Variants in EDARADD observed in about 807,000 individuals in gnomAD.
EDARADD encodes the protein ectodysplasin-A receptor-associated adapter protein.
EDARADD carries 20 observed loss-of-function variants against 25.6 expected under a neutral mutation model. That is an observed-to-expected ratio of 0.78 (90% CI 0.55 to 1.14). The LOEUF (loss-of-function observed/expected upper bound fraction) is 1.14, where lower values mean the gene tolerates loss of function less well. EDARADD is among the 50% of genes most tolerant of loss of function. The pLI is 0.00. For synonymous variants in EDARADD, 86 were observed against 94.4 expected (o/e 0.91, Z 0.52); for missense variants, 225 against 270.1 (o/e 0.83, Z 1.17).
rs34509027 is a variant in EDARADD at position 236,385,089 on chromosome 1, C to CTTTTTTTTTTTTTTTTTTTTTTTTTT, written c.-5-24110_-5-24109insTTTTTTTTTTTTTTTTTTTTTTTTTT. 5.0e-4 allele frequency among the ~76,000 whole-genome samples: 61 copies of CTTTTTTTTTTTTTTTTTTTTTTTTTT among 121,984 alleles called. 1 individual carries two copies. The highest frequency in any genetic ancestry group is 6.9e-4 in the Non-Finnish European group (43 of 62,476). The allele number at this position is 121,984 out of a possible 152,430, so 80.0% of individuals were successfully genotyped here. A position where few individuals can be genotyped will look rare whatever the true frequency, so the allele number is the denominator to read the frequency against. On this transcript the variant is annotated intron_variant, in intron 3 of 7. Coordinates refer to the EDARADD transcript ENST00000439430. ...GATTTTTATTCTATGCCTTTTGATTCTTTTTTTTTTTTTTTTTGCCTTAAG... is the reference window on the plus strand; with the variant it reads ...GATTTTTATTCTATGCCTTTTGATTCTTTTTTTTTTTTTTTTTTTTTTTTTTTTTTTTTTTTTTTTTTTGCCTTAAG...
chr1:236,408,526 A>C (rs1253967), intron 1 of EDARADD, among the ~76,000 whole-genome samples: 102,411 of 151,960 alleles, frequency 0.67, 34,838 homozygotes, highest in Non-Finnish European at 0.69. Context: ...TTATTAATCT[A>C]TTTCTTGATG....
chr1:236,353,261 C>T (rs1261125735), intron 3 of EDARADD, among the ~76,000 whole-genome samples: 1 of 152,170 alleles, frequency 6.6e-6, no homozygotes, highest in East Asian at 1.9e-4. Context: ...CCCTCCTGGT[C>T]TCCCTTATCT....
intron 1 of EDARADD, among the ~76,000 whole-genome samples, chr1:236,405,452 A>T (rs1040044558): frequency 4.6e-5 from 7 of 152,162 alleles, no homozygotes; most frequent in Non-Finnish European, 1.0e-4. Flanking sequence ...TAGTAAGCTG[A>T]GTGTGGGATC....
rs373926348 is a variant in EDARADD, at chr1:236,394,548, G to C, written c.61+43G>C. 3.2e-6 allele frequency: 5 copies of C among 1,585,632 alleles called. No individual in the cohort carries two copies. The African/African-American group carries it at 6.7e-5, about 21-fold the overall frequency. ...GTCTTCCTGGATTTCTCAGAGCTGA[G>C]TTTTTAGCCAGAGGTTGCTTATTTA... is the stretch of plus-strand genomic sequence containing the variant. On this transcript the variant is annotated intron_variant, in intron 1 of 5. Transcript: ENST00000334232.
In EDARADD at chr1:236,394,298, A is replaced by T. The variant is rs1667473971; in HGVS notation, c.-147A>T. The T allele has an allele frequency of 1.2e-6, 1 of 834,032 alleles. No homozygotes were observed. Among genetic ancestry groups the T allele is most frequent in the Non-Finnish European group, 2.0e-6 (1 of 503,498 alleles). 51.7% of individuals were successfully genotyped at this position (834,032 alleles called of 1,614,324 possible). On this transcript the variant is annotated 5_prime_UTR_variant, in exon 1 of 6. The change creates a new upstream start codon in the 5' untranslated region. Transcript: ENST00000334232. ...CCTATCCGAAGGCAGACCAAGAGGA[A>T]GTTTATCCTCCCACCTACAAATTCC...
chr1:236,357,769 A>C lies in EDARADD; in HGVS notation c.-6+6930A>C, dbSNP rs549379592. On this transcript the variant is annotated intron_variant, in intron 3 of 7. Transcript: ENST00000439430. Reference sequence around the variant, plus strand: ...TGCCCCAGTGACCTAAATACCTTCCACCAGGTCCCACCTCCAACATGGGGA... The same window carrying C: ...TGCCCCAGTGACCTAAATACCTTCCCCCAGGTCCCACCTCCAACATGGGGA... Among the ~76,000 whole-genome samples the C allele has an allele frequency of 4.6e-5, 7 of 152,116 alleles. No individual in the cohort carries two copies. The South Asian group carries it at 1.5e-3, about 32-fold the overall frequency.
At position 236,482,781 on chromosome 1, in the gene EDARADD, C is replaced by T; in HGVS notation, c.*132C>T. 7.1e-7 allele frequency: 1 copy of T among 1,406,172 alleles called. No homozygotes were observed. Among genetic ancestry groups the T allele is most frequent in the Non-Finnish European group, 9.8e-7 (1 of 1,022,406 alleles). The allele number at this position is 1,406,172 out of a possible 1,614,324, so 87.1% of individuals were successfully genotyped here. ...CAGTGGACACTGGTTTTCCCCAAAG[C>T]TGGCAGTTTTGTGGAGGGGTAGCTT... On this transcript the variant is annotated 3_prime_UTR_variant, in exon 6 of 6. Transcript: ENST00000334232.
chr1:236,400,805 C>A (rs1281883978), intron 1 of EDARADD, among the ~76,000 whole-genome samples: 1 of 150,078 alleles, frequency 6.7e-6, no homozygotes, highest in Non-Finnish European at 1.5e-5. Flanking sequence ...AGCAATCTGC[C>A]CTCCTTGGCC....
chr1:236,370,122 A>G (rs1667157795), intron 3 of EDARADD, among the ~76,000 whole-genome samples: 1 of 152,144 alleles, frequency 6.6e-6, no homozygotes, highest in Admixed American at 6.6e-5. Flanking sequence ...GAGCCGATTC[A>G]TCAAGACGGG....
chr1:236,412,023 T>C (rs1657500681), intron 2 of EDARADD, among the ~76,000 whole-genome samples: 1 of 152,198 alleles, frequency 6.6e-6, no homozygotes, highest in Non-Finnish European at 1.5e-5. Flanking sequence ...ACCCACAGTA[T>C]TCCCGCTGGG....
At chr1:236,428,541 G>A (rs1177144901) in intron 4 of EDARADD, among the ~76,000 whole-genome samples, 3 of 149,200 alleles carry the variant, frequency 2.0e-5, no homozygotes, top group Non-Finnish European at 4.5e-5. Flanking sequence ...TTCTCAGATG[G>A]GGCGGCCAGT....
In EDARADD at chr1:236,395,791, C is replaced by T. The variant is rs1667505067; in HGVS notation, c.61+1286C>T. Reference sequence around the variant, plus strand: ...ACCCCCGAGGGAGGCCCGGGAACCACCCCCGACCCAGGCGCCAGACCCGGA... The same window carrying T: ...ACCCCCGAGGGAGGCCCGGGAACCATCCCCGACCCAGGCGCCAGACCCGGA... On this transcript the variant is annotated intron_variant, in intron 1 of 5. Coordinates refer to ENST00000334232, the MANE Select transcript of EDARADD (RefSeq NM_145861.4). The surrounding 1 kb of genome is among the most constrained non-coding windows in gnomAD (Gnocchi z 6.9). The T allele has an allele frequency of 2.3e-6, 2 of 868,600 alleles. No individual in the cohort carries two copies. Among genetic ancestry groups the T allele is most frequent in the South Asian group, 4.0e-5 (2 of 49,826 alleles). The allele number at this position is 868,600 out of a possible 1,614,324, so 53.8% of individuals were successfully genotyped here. A position where few individuals can be genotyped will look rare whatever the true frequency, so the allele number is the denominator to read the frequency against.
intron 4 of EDARADD, among the ~76,000 whole-genome samples, chr1:236,432,639 C>T (rs957774788): frequency 4.6e-5 from 7 of 152,046 alleles, no homozygotes; most frequent in African/African-American, 7.2e-5. Context: ...AATCCCAGCA[C>T]TTTGGGAGGC....
intron 4 of EDARADD, among the ~76,000 whole-genome samples, chr1:236,437,948 CT>C (rs1658304153): frequency 6.6e-6 from 1 of 151,982 alleles, no homozygotes; most frequent in Non-Finnish European, 1.5e-5. Context: ...GGGTTTCACC[CT>C]GTTGGCTAGG....
intron 3 of EDARADD, among the ~76,000 whole-genome samples, chr1:236,365,913 G>A (rs1054246947): frequency 6.6e-6 from 1 of 152,068 alleles, no homozygotes. Flanking sequence ...ATTCCATCCA[G>A]TGTATTTGTC....
At chr1:236,379,815 T>G (rs933977100) in intron 3 of EDARADD, among the ~76,000 whole-genome samples, 1 of 152,170 alleles carries the variant, frequency 6.6e-6, no homozygotes, top group African/African-American at 2.4e-5. Flanking sequence ...AATTAAAAAT[T>G]GAATGCAAAT....
chr1:236,478,636 G>C (rs1173006685), intron 5 of EDARADD, among the ~76,000 whole-genome samples: 1 of 152,042 alleles, frequency 6.6e-6, no homozygotes, highest in Non-Finnish European at 1.5e-5. Context: ...ACCCAGGCTG[G>C]AGTGCAGTGG....
At chr1:236,380,748 A>G (rs143304411) in intron 3 of EDARADD, among the ~76,000 whole-genome samples, 3 of 152,246 alleles carry the variant, frequency 2.0e-5, no homozygotes, top group African/African-American at 4.8e-5. Flanking sequence ...GGGTTTAGCT[A>G]TGTTGCCTAG....
At chr1:236,396,296 G>A (rs1450335039) in intron 1 of EDARADD, among the ~76,000 whole-genome samples, 1 of 152,098 alleles carries the variant, frequency 6.6e-6, no homozygotes, top group African/African-American at 2.4e-5. Flanking sequence ...ATTCTCTCAC[G>A]TGAATCTAAA....
Sources: allele counts gnomAD v4.1 joint callset (sites outside exome capture counted in the v4.1 genomes callset), GRCh38; gene constraint gnomAD v4.1.1; non-coding constraint Gnocchi (gnomAD v3.1); transcripts MANE v1.5; gene names NCBI Gene and HGNC (gene_info 2026-07-23, HGNC 2026-07-21).